Variants in C4orf50 observed in about 807,000 individuals in gnomAD.
The protein encoded by C4orf50 is chromosome 4 open reading frame 50.
C4orf50 carries 80 observed loss-of-function variants against 77.2 expected under a neutral mutation model. The ratio of observed to expected loss-of-function variants is 1.04; its 90% confidence interval spans 0.87 to 1.25. The LOEUF is 1.25. Among genes scored for constraint, C4orf50 ranks in the 50% most tolerant of loss-of-function variants. The pLI, the probability that C4orf50 is intolerant of heterozygous loss-of-function variation, is 0.00. For missense variants in C4orf50, 1,257 were observed against 1,152.9 expected, an observed-to-expected ratio of 1.09 and a Z score of -1.31; for synonymous variants, 532 against 465.3, an observed-to-expected ratio of 1.14 and a Z score of -1.84.
intron 25 of C4orf50, among the ~76,000 whole-genome samples, chr4:5,997,729 T>C (rs187892655): frequency 3.9e-5 from 6 of 152,364 alleles, no homozygotes; most frequent in Admixed American, 2.6e-4. Flanking sequence ...CTGGGCTTTT[T>C]TCTATGCCTA....
At position 6,017,036 on chromosome 4, in the gene C4orf50, G is replaced by T. The variant is rs1722708275; in HGVS notation, c.287+1109C>A. On this transcript the variant is annotated intron_variant, in intron 23 of 33. Transcript: ENST00000531445. The surrounding 1 kb of genome is among the most constrained non-coding windows in gnomAD (Gnocchi z 4.7). ...GCCCAACCTCGTTCTGCCAGTCTGGGTGTCAAGACATCGTCAGGAAAGAAG... is the reference window on the plus strand; with the variant it reads ...GCCCAACCTCGTTCTGCCAGTCTGGTTGTCAAGACATCGTCAGGAAAGAAG... Among the ~76,000 whole-genome samples the T allele has an allele frequency of 6.6e-6, 1 of 152,230 alleles. No individual in the cohort carries two copies. Among genetic ancestry groups the T allele is most frequent in the Admixed American group, 6.5e-5 (1 of 15,286 alleles).
intron 7 of C4orf50, among the ~76,000 whole-genome samples, chr4:5,907,146 G>C (rs1716585706): frequency 6.6e-6 from 1 of 152,186 alleles, no homozygotes. Context: ...AACAAGTTAA[G>C]CTTGTAGTAA....
intron 28 of C4orf50, among the ~76,000 whole-genome samples, chr4:5,982,438 C>T (rs750520053): frequency 2.6e-5 from 4 of 152,154 alleles, no homozygotes; most frequent in Non-Finnish European, 2.9e-5. Flanking sequence ...GCGGTGGTGA[C>T]GCTGCCCTCC....
intron 26 of C4orf50, among the ~76,000 whole-genome samples, chr4:5,993,528 G>A (rs16838017): frequency 6.6e-6 from 1 of 152,172 alleles, no homozygotes; most frequent in Admixed American, 6.5e-5. Context: ...TATGAGATAT[G>A]GGCTCAAGCC....
intron 25 of C4orf50, among the ~76,000 whole-genome samples, chr4:6,006,802 C>T (rs1190065355): frequency 6.6e-6 from 1 of 152,172 alleles, no homozygotes; most frequent in Non-Finnish European, 1.5e-5. Context: ...CTCCTGTGTG[C>T]TGCTATGGGG....
rs61240934 is a variant in C4orf50 at position 5,908,036 on chromosome 4, G to GATTCATTCATTC, written c.*2475-9860_*2475-9849dup. Among the ~76,000 whole-genome samples, 1,059 of 151,384 alleles carry GATTCATTCATTC rather than the reference G, an allele frequency of 7.0e-3. 5 individuals carry two copies. The highest frequency in any genetic ancestry group is 0.01 in the Non-Finnish European group (710 of 67,682). ...TAACAAAAAGAGCTGACCATTCACT[G>GATTCATTCATTC]ATTCATTCATTCATTCATTCATTCA... On this transcript the variant is annotated intron_variant, in intron 7 of 7. Coordinates refer to the C4orf50 transcript ENST00000324058. This position sits in a 1 kb window ranked among gnomAD's most constrained non-coding sequence, Gnocchi z 5.6.
chr4:5,989,172 C>T lies in C4orf50; in HGVS notation c.2874G>A (p.Val958=), dbSNP rs577040877. ...TCTCTCTCTCTCTTTCAAGGGCGCA[C>T]ACTCTTTCATGGAACCTCTCTTGGT... Residue 958 remains valine (V), a synonymous_variant, in exon 28 of 34, where the codon GTG becomes GTA. Transcript: ENST00000531445. 111 of 1,536,112 alleles carry T rather than the reference C, an allele frequency of 7.2e-5. No homozygotes were observed. The African/African-American group carries it at 1.2e-3, about 16-fold the overall frequency.
chr4:5,971,783 TC>T (rs1719934657), intron 31 of C4orf50, among the ~76,000 whole-genome samples: 1 of 152,154 alleles, frequency 6.6e-6, no homozygotes, highest in South Asian at 2.1e-4. Flanking sequence ...AAATTAATAG[TC>T]CAGTGTATAC....
At chr4:5,988,785 C>T (rs1215126996) in exon 28 of C4orf50, 6 of 1,536,014 alleles carry the variant, frequency 3.9e-6, no homozygotes, top group Non-Finnish European at 5.2e-6. Context: ...GCTCGTTCTC[C>T]CCACTTAAGG....
chr4:6,000,142 T>C lies in C4orf50; in HGVS notation c.964-5666A>G, dbSNP rs1721770545. On this transcript the variant is annotated intron_variant, in intron 25 of 33. Transcript: ENST00000531445. The surrounding 1 kb of genome is among the most constrained non-coding windows in gnomAD (Gnocchi z 6.0). Reference sequence around the variant, plus strand: ...CTGAAGACCTGCGTGTGGCTCTCGGTCCTCCTGGGTCACTCCCAGTCCTTT... The same window carrying C: ...CTGAAGACCTGCGTGTGGCTCTCGGCCCTCCTGGGTCACTCCCAGTCCTTT... 1.3e-5 allele frequency among the ~76,000 whole-genome samples: 2 copies of C among 151,934 alleles called. No homozygotes were observed. Among genetic ancestry groups the C allele is most frequent in the African/African-American group, 2.4e-5 (1 of 41,346 alleles).
intron 7 of C4orf50, among the ~76,000 whole-genome samples, chr4:5,929,634 G>A (rs1035302170): frequency 2.0e-5 from 3 of 152,224 alleles, no homozygotes; most frequent in Admixed American, 6.5e-5. Context: ...GAAACTCCAG[G>A]AAATGTAGTT....
chr4:5,973,186 G>T (rs1216346686), intron 31 of C4orf50, among the ~76,000 whole-genome samples: 2 of 152,160 alleles, frequency 1.3e-5, no homozygotes, highest in East Asian at 3.9e-4. Flanking sequence ...GCGGGGCCAC[G>T]TGCAATGGAG....
chr4:5,953,943 C>T (rs918734254), downstream of C4orf50, among the ~76,000 whole-genome samples: 14 of 152,234 alleles, frequency 9.2e-5, no homozygotes, highest in Admixed American at 5.2e-4. Context: ...GGAAAGAGTA[C>T]GGCTGGATTT....
At chr4:5,973,621 C>T (rs973898188) in intron 31 of C4orf50, 38 bp downstream of exon 9, 2 of 1,561,170 alleles carry the variant, frequency 1.3e-6, no homozygotes, top group Non-Finnish European at 1.8e-6. Flanking sequence ...CCCACACTCC[C>T]ATAGGAAGCA....
chr4:5,914,711 G>A (rs1389931302), intron 7 of C4orf50, among the ~76,000 whole-genome samples: 4 of 152,200 alleles, frequency 2.6e-5, no homozygotes, highest in Admixed American at 1.3e-4. Context: ...GAAATACTTA[G>A]AGGGTATAAT....
intron 25 of C4orf50, among the ~76,000 whole-genome samples, chr4:5,997,294 G>T (rs1397379074): frequency 6.6e-6 from 1 of 152,200 alleles, no homozygotes; most frequent in East Asian, 1.9e-4. Flanking sequence ...CTACTATGTG[G>T]CAGGCCCTGT....
intron 33 of C4orf50, among the ~76,000 whole-genome samples, chr4:5,961,459 C>T (rs1287673191): frequency 2.0e-5 from 3 of 152,238 alleles, no homozygotes; most frequent in Non-Finnish European, 4.4e-5. Context: ...TGCAATATGT[C>T]GTTCCAAGCA....
At chr4:5,941,265 G>C (rs1413442839) in intron 7 of C4orf50, among the ~76,000 whole-genome samples, 1 of 152,212 alleles carries the variant, frequency 6.6e-6, no homozygotes, top group Non-Finnish European at 1.5e-5. Context: ...AACACTGCGA[G>C]TTAAGTACTA....
At chr4:5,975,914 T>C (rs1720250941) in exon 30 of C4orf50, 2 of 1,613,570 alleles carry the variant, frequency 1.2e-6, no homozygotes, top group Non-Finnish European at 1.7e-6. Context: ...GGGGAGTCAC[T>C]GCCAACTTTG....
Sources: gnomAD v4.1 joint callset for allele counts (sites outside exome capture counted in the v4.1 genomes callset) on GRCh38, gnomAD v4.1.1 for gene constraint, Gnocchi (gnomAD v3.1) non-coding constraint, MANE v1.5 for transcripts, NCBI Gene and HGNC (gene_info 2026-07-23, HGNC 2026-07-21) for gene names.